The following CHM variants were observed in gnomAD, a reference collection of about 807,000 sequenced individuals.
CHM encodes the protein rab proteins geranylgeranyltransferase component A 1.
In CHM, 10 loss-of-function variants were observed where a neutral mutation model predicts 49.0. The ratio of observed to expected loss-of-function variants is 0.20; its 90% CI spans 0.13 to 0.35. The LOEUF is 0.35. Among genes scored for constraint, CHM ranks in the 10% least tolerant of loss-of-function variants. The probability of loss-of-function intolerance (pLI) is 1.00; values close to 1 mark genes in which losing one functional copy is unlikely to be tolerated. For synonymous variants in CHM, 184 were observed against 167.5 expected (o/e 1.10, Z -0.76); for missense variants, 455 against 478.4 (o/e 0.95, Z 0.46).
chrX:85,896,974 A>G lies in CHM; in HGVS notation c.1414-2690T>C, dbSNP rs1246242867. 5.2e-5 allele frequency among the ~76,000 whole-genome samples: 5 copies of G among 96,338 alleles called. No individual in the cohort carries two copies. In the South Asian group the frequency reaches 1.3e-3, roughly 24 times the overall value. 83.7% of individuals were successfully genotyped at this position (96,338 alleles called of 115,157 possible). On this transcript the variant is annotated intron_variant, in intron 11 of 14. Transcript: ENST00000357749. ...AATACATGAAATTAATATATAATACATATAATATATACTATATATTAATTA... is the reference window on the plus strand; with the variant it reads ...AATACATGAAATTAATATATAATACGTATAATATATACTATATATTAATTA...
At chrX:86,005,667 A>C (rs1437147456) in intron 2 of CHM, among the ~76,000 whole-genome samples, 1 of 112,194 alleles carries the variant, frequency 8.9e-6, no homozygotes, top group Admixed American at 9.5e-5. Context: ...ATCTAGAAGA[A>C]ATGGATAAAT....
intron 14 of CHM, 152 bp downstream of exon 14, chrX:85,872,900 C>T: frequency 4.5e-6 from 2 of 445,202 alleles, no homozygotes; most frequent in Non-Finnish European, 7.8e-6. Flanking sequence ...TTTAAAGTAG[C>T]TTTGTAGGTC....
intron 4 of CHM, 147 bp downstream of exon 4, chrX:85,978,620 T>C (rs1317560030): frequency 1.0e-5 from 5 of 489,173 alleles, no homozygotes; most frequent in Non-Finnish European, 1.3e-5. Context: ...CAGAGACAAC[T>C]GAAAGTTCCA....
chrX:85,953,740 C>A (rs1328876180), intron 8 of CHM, among the ~76,000 whole-genome samples: 1 of 111,692 alleles, frequency 9.0e-6, no homozygotes, highest in East Asian at 2.8e-4. Context: ...TGAAACTAGA[C>A]CCCTATCTTT....
chrX:85,871,695 C>T (rs1337637210), intron 14 of CHM, among the ~76,000 whole-genome samples: 1 of 111,481 alleles, frequency 9.0e-6, no homozygotes, highest in Non-Finnish European at 1.9e-5. Context: ...TCTTGAGAAG[C>T]AAATTACCTC....
At chrX:85,971,045 T>G in intron 4 of CHM, 5 of 627,447 alleles carry the variant, frequency 8.0e-6, no homozygotes, top group Non-Finnish European at 9.5e-6. Flanking sequence ...TAAGTCATGG[T>G]AATCAAAAAA....
At chrX:85,949,540 A>G (rs1929613065) in intron 8 of CHM, among the ~76,000 whole-genome samples, 1 of 110,448 alleles carries the variant, frequency 9.1e-6, no homozygotes. Flanking sequence ...AGAGGGAAAG[A>G]GTAACTAAGA....
Position 85,866,024 on chromosome X carries a change from T to C in CHM, c.1771-1203A>G, listed in dbSNP as rs72633123. 2.7e-4 allele frequency among the ~76,000 whole-genome samples: 30 copies of C among 112,563 alleles called. No homozygotes were observed. In the East Asian group the frequency reaches 8.5e-3, roughly 32 times the overall value. On this transcript the variant is annotated intron_variant, in intron 14 of 14. Transcript: ENST00000357749. ...GTTTGGAAAATTTGCAGTCTGACCA[T>C]GTGGGAGAAAAGAAAAAACCATTTT...
At chrX:85,887,041 G>A (rs1925128783) in intron 12 of CHM, among the ~76,000 whole-genome samples, 1 of 106,116 alleles carries the variant, frequency 9.4e-6, no homozygotes, top group South Asian at 4.4e-4. Flanking sequence ...ATAATAAATT[G>A]AAACTTAACT....
At chrX:86,012,985 AC>A (rs1255734402) in intron 2 of CHM, among the ~76,000 whole-genome samples, 1 of 111,114 alleles carries the variant, frequency 9.0e-6, no homozygotes, top group Non-Finnish European at 1.9e-5. Flanking sequence ...ACTTATATCT[AC>A]CCTTTCCTAA....
chrX:85,892,838 G>A (rs958777675), intron 12 of CHM, among the ~76,000 whole-genome samples: 25 of 111,422 alleles, frequency 2.2e-4, no homozygotes, highest in African/African-American at 6.5e-4. Context: ...TTGTGACTAC[G>A]CAAAACCATA....
chrX:85,973,776 G>T (rs1024935780), intron 4 of CHM, among the ~76,000 whole-genome samples: 4 of 111,546 alleles, frequency 3.6e-5, no homozygotes, highest in African/African-American at 1.3e-4. Context: ...TTCCTTTCTG[G>T]GAAAAAAGAA....
intron 14 of CHM, among the ~76,000 whole-genome samples, chrX:85,868,866 G>A (rs1279265562): frequency 2.7e-5 from 3 of 111,438 alleles, no homozygotes; most frequent in Non-Finnish European, 5.7e-5. Flanking sequence ...AACCCTTCAG[G>A]CCTACCTTCT....
At chrX:85,934,227 A>G (rs1478027883) in intron 8 of CHM, among the ~76,000 whole-genome samples, 2 of 92,424 alleles carry the variant, frequency 2.2e-5, no homozygotes, top group South Asian at 5.3e-4. Flanking sequence ...TGATCTGCCC[A>G]CCTTGGCCTC....
intron 8 of CHM, among the ~76,000 whole-genome samples, chrX:85,931,482 T>A (rs1212762021): frequency 8.9e-6 from 1 of 112,157 alleles, no homozygotes; most frequent in Non-Finnish European, 1.9e-5. Flanking sequence ...AAATCTAAAA[T>A]TGTGTTTTCT....
chrX:86,006,298 C>G (rs1397896639), intron 2 of CHM, among the ~76,000 whole-genome samples: 1 of 111,565 alleles, frequency 9.0e-6, no homozygotes, highest in Non-Finnish European at 1.9e-5. Context: ...AAACCCACAG[C>G]CAGTGTCATA....
chrX:85,906,778 ACAGT>A (rs1569408106), intron 9 of CHM, among the ~76,000 whole-genome samples: 1 of 112,225 alleles, frequency 8.9e-6, no homozygotes, highest in Non-Finnish European at 1.9e-5. Flanking sequence ...AATGGTATTA[ACAGT>A]CAGTCACCTC....
At chrX:86,027,759 T>G (rs1416299304) in intron 1 of CHM, among the ~76,000 whole-genome samples, 1 of 111,785 alleles carries the variant, frequency 8.9e-6, no homozygotes, top group Admixed American at 9.5e-5. Flanking sequence ...AAAATTTTAT[T>G]ATGTGGAAGA....
At chrX:85,947,381 A>G (rs1463371070) in intron 8 of CHM, among the ~76,000 whole-genome samples, 1 of 111,568 alleles carries the variant, frequency 9.0e-6, no homozygotes, top group Non-Finnish European at 1.9e-5. Flanking sequence ...CCTCATGATA[A>G]TGAGTGAGTT....
Sources: allele counts gnomAD v4.1 joint callset (sites outside exome capture counted in the v4.1 genomes callset), GRCh38; gene constraint gnomAD v4.1.1; transcripts MANE v1.5; gene names NCBI Gene and HGNC (gene_info 2026-07-23, HGNC 2026-07-21).